Variants in ZFPM2 observed in about 807,000 individuals in gnomAD.
ZFPM2 encodes zinc finger protein ZFPM2.
ZFPM2 carries 20 observed loss-of-function variants against 98.6 expected under a neutral mutation model. That is an observed-to-expected ratio of 0.20 (90% CI 0.14 to 0.29). The LOEUF is 0.29. Ranked by LOEUF, ZFPM2 falls within the 10% of genes least tolerant of loss-of-function variation. ZFPM2 has a pLI of 1.00. For synonymous variants in ZFPM2, 518 were observed against 502.7 expected (o/e 1.03, Z -0.41); for missense variants, 1,310 against 1,388.6 (o/e 0.94, Z 0.90).
intron 1 of ZFPM2, among the ~76,000 whole-genome samples, chr8:105,409,974 A>G (rs1811543380): frequency 6.6e-6 from 1 of 151,906 alleles, no homozygotes. Flanking sequence ...TTTTGGAAGC[A>G]GTTATTTTAT....
At chr8:105,740,279 A>G (rs1294140472) in intron 5 of ZFPM2, among the ~76,000 whole-genome samples, 1 of 151,960 alleles carries the variant, frequency 6.6e-6, no homozygotes, top group African/African-American at 2.4e-5. Flanking sequence ...AGAAGAAGAG[A>G]GGAACAAAAA....
chr8:105,721,719 T>G (rs1811671344), intron 5 of ZFPM2, among the ~76,000 whole-genome samples: 1 of 151,964 alleles, frequency 6.6e-6, no homozygotes, highest in African/African-American at 2.4e-5. Flanking sequence ...TCATCAGGCC[T>G]TCTATCCATG....
At chr8:105,589,636 A>G (rs1815800071) in intron 4 of ZFPM2, among the ~76,000 whole-genome samples, 1 of 152,056 alleles carries the variant, frequency 6.6e-6, no homozygotes, top group African/African-American at 2.4e-5. Context: ...CCCCCACAAA[A>G]CACATTACTT....
At chr8:105,772,726 T>C (rs575302634) in intron 5 of ZFPM2, among the ~76,000 whole-genome samples, 1 of 152,254 alleles carries the variant, frequency 6.6e-6, no homozygotes, top group Admixed American at 6.5e-5. Context: ...TATGAATCCA[T>C]TCAAAAATAA....
intron 5 of ZFPM2, chr8:105,678,816 G>A (rs1318314354): frequency 3.9e-5 from 6 of 152,140 alleles, no homozygotes; most frequent in Admixed American, 2.6e-4. Context: ...AGCAGAGTAT[G>A]CTATGTCATT....
intron 3 of ZFPM2, among the ~76,000 whole-genome samples, chr8:105,494,452 C>T (rs1401685157): frequency 1.3e-5 from 2 of 151,706 alleles, no homozygotes; most frequent in Admixed American, 6.6e-5. Flanking sequence ...CTTTTGCTTT[C>T]ATAAGGGCTG....
rs1491119695 is a variant in ZFPM2 at position 105,380,705 on chromosome 8, A to ACATATATAT, written c.41-38439_41-38438insCATATATAT. On this transcript the variant is annotated intron_variant, in intron 1 of 7. Transcript: ENST00000407775. ...ATATATATTATATATAACATATATA[A>ACATATATAT]TATATATATATATTATATATAACAT... 4.4e-4 allele frequency among the ~76,000 whole-genome samples: 7 copies of ACATATATAT among 16,012 alleles called. 1 individual carries two copies. The highest frequency in any genetic ancestry group is 1.9e-3 in the South Asian group (1 of 520). The allele number at this position is 16,012 out of a possible 152,430, so 10.5% of individuals were successfully genotyped here.
At chr8:105,732,122 A>G (rs1250245761) in intron 5 of ZFPM2, among the ~76,000 whole-genome samples, 1 of 151,706 alleles carries the variant, frequency 6.6e-6, no homozygotes, top group Non-Finnish European at 1.5e-5. Flanking sequence ...TTCTGCCTAC[A>G]ACAAAAATGG....
intron 4 of ZFPM2, among the ~76,000 whole-genome samples, chr8:105,584,697 C>T (rs1197358688): frequency 2.0e-5 from 3 of 152,146 alleles, no homozygotes; most frequent in Non-Finnish European, 4.4e-5. Flanking sequence ...CAACCCTTAT[C>T]ATGTGGAGGC....
At chr8:105,650,990 C>A (rs2130867959) in intron 5 of ZFPM2, among the ~76,000 whole-genome samples, 1 of 152,214 alleles carries the variant, frequency 6.6e-6, no homozygotes, top group South Asian at 2.1e-4. Flanking sequence ...CTAGCGTCTT[C>A]TTTCTTGTTC....
At chr8:105,354,407 T>TA (rs1258926685) in intron 1 of ZFPM2, among the ~76,000 whole-genome samples, 1 of 152,210 alleles carries the variant, frequency 6.6e-6, no homozygotes, top group South Asian at 2.1e-4. Flanking sequence ...AGCTGATCCA[T>TA]AAAAAATGTT....
intron 5 of ZFPM2, among the ~76,000 whole-genome samples, chr8:105,655,764 A>T (rs1043718647): frequency 2.0e-5 from 3 of 152,204 alleles, no homozygotes. Flanking sequence ...GTACAAACAA[A>T]GCACTGTTCT....
At chr8:105,379,678 G>A (rs1299999686) in intron 1 of ZFPM2, among the ~76,000 whole-genome samples, 1 of 151,514 alleles carries the variant, frequency 6.6e-6, no homozygotes, top group African/African-American at 2.4e-5. Context: ...ACTTGAACCC[G>A]GGAGGTGGAG....
intron 4 of ZFPM2, among the ~76,000 whole-genome samples, chr8:105,587,025 C>T (rs1309757121): frequency 6.6e-6 from 1 of 151,190 alleles, no homozygotes; most frequent in Non-Finnish European, 1.5e-5. Context: ...GCCTGTAATC[C>T]CAGCACTTTG....
chr8:105,335,882 G>T (rs1812315982), intron 1 of ZFPM2, among the ~76,000 whole-genome samples: 1 of 151,788 alleles, frequency 6.6e-6, no homozygotes, highest in African/African-American at 2.4e-5. Flanking sequence ...AAATGGTGCT[G>T]CCCCTCCCTA....
intron 3 of ZFPM2, among the ~76,000 whole-genome samples, chr8:105,515,735 T>C (rs1813905617): frequency 6.6e-6 from 1 of 152,060 alleles, no homozygotes; most frequent in Admixed American, 6.5e-5. Flanking sequence ...CTTTGGGCTT[T>C]AGACTTATTC....
intron 6 of ZFPM2, among the ~76,000 whole-genome samples, chr8:105,794,558 C>A (rs531624082): frequency 6.6e-6 from 1 of 152,230 alleles, no homozygotes; most frequent in African/African-American, 2.4e-5. Flanking sequence ...AGGCAGTCTG[C>A]GGGTTCTCAG....
At chr8:105,691,682 G>A (rs1307575861) in intron 5 of ZFPM2, among the ~76,000 whole-genome samples, 1 of 152,088 alleles carries the variant, frequency 6.6e-6, no homozygotes, top group East Asian at 1.9e-4. Context: ...TGTCATGTTA[G>A]TTTAGTTTCT....
chr8:105,646,488 C>A (rs1817050585), intron 5 of ZFPM2, among the ~76,000 whole-genome samples: 1 of 152,144 alleles, frequency 6.6e-6, no homozygotes, highest in African/African-American at 2.4e-5. Flanking sequence ...ATGAAGGCTT[C>A]TGCGGGGTCC....
Sources: gnomAD v4.1 joint callset for allele counts (sites outside exome capture counted in the v4.1 genomes callset) on GRCh38, gnomAD v4.1.1 for gene constraint, MANE v1.5 for transcripts, NCBI Gene and HGNC (gene_info 2026-07-23, HGNC 2026-07-21) for gene names.